The following ABI2 variants were observed in gnomAD, a reference collection of about 807,000 sequenced individuals.
The protein encoded by ABI2 is abl interactor 2, also known as abelson interactor 2.
In ABI2, 25 loss-of-function variants were observed where a neutral mutation model predicts 59.2. The observed-to-expected ratio is 0.42, with a 90% confidence interval of 0.31 to 0.59. The LOEUF (loss-of-function observed/expected upper bound fraction) is 0.59, where lower values mean the gene tolerates loss of function less well. ABI2 is among the 20% of genes least tolerant of loss of function. The probability of loss-of-function intolerance (pLI) is 0.14; values close to 1 mark genes in which losing one functional copy is unlikely to be tolerated. For synonymous variants in ABI2, 213 were observed against 235.5 expected, an observed-to-expected ratio of 0.90 and a Z score of 0.87; for missense variants, 545 against 681.8, an observed-to-expected ratio of 0.80 and a Z score of 2.23.
At chr2:203,328,682 C>T (rs954634719) in intron 1 of ABI2, 51 bp downstream of exon 1, 2 of 1,341,946 alleles carry the variant, frequency 1.5e-6, no homozygotes, top group South Asian at 1.6e-5. Context: ...CGCCGGGGGC[C>T]GCGCGCCTCG....
rs896122489 is a variant in ABI2, at chr2:203,411,181, A to G, written c.1193-104A>G. 2.8e-5 allele frequency: 25 copies of G among 885,952 alleles called. No homozygotes were observed. The African/African-American group carries it at 3.6e-4, about 13-fold the overall frequency. The allele number at this position is 885,952 out of a possible 1,614,324, so 54.9% of individuals were successfully genotyped here. On this transcript the variant is annotated intron_variant, in intron 9 of 11. Coordinates refer to ENST00000261018, the MANE Select transcript of ABI2 (RefSeq NM_001375670.1). The stretch of plus-strand genomic sequence containing the variant: ...GAGATCACTGATAAAATGTTTGTGA[A>G]TAGTAGTTTCCCTCCTTTATGTGTT...
chr2:203,418,439 G>T (rs2098013445), intron 11 of ABI2, among the ~76,000 whole-genome samples: 1 of 152,214 alleles, frequency 6.6e-6, no homozygotes, highest in African/African-American at 2.4e-5. Flanking sequence ...CTGCTTTCAG[G>T]CTCACTCGTG....
intron 5 of ABI2, among the ~76,000 whole-genome samples, chr2:203,392,967 CT>C (rs34801404): frequency 6.7e-6 from 1 of 149,602 alleles, no homozygotes. Flanking sequence ...TCCTTTGCTC[CT>C]TTTTTTTTTA....
intron 2 of ABI2, among the ~76,000 whole-genome samples, chr2:203,372,548 G>A (rs1251640184): frequency 3.3e-5 from 5 of 150,700 alleles, no homozygotes; most frequent in Admixed American, 6.6e-5. Flanking sequence ...GCGGCTGGCC[G>A]GGCGGGGGGC....
At chr2:203,418,611 A>C (rs1559382003) in intron 11 of ABI2, among the ~76,000 whole-genome samples, 1 of 152,258 alleles carries the variant, frequency 6.6e-6, no homozygotes, top group Non-Finnish European at 1.5e-5. Flanking sequence ...ACAAGCAAGA[A>C]GCGCCAAAAA....
At chr2:203,373,241 A>G (rs1360820017) in intron 2 of ABI2, among the ~76,000 whole-genome samples, 1 of 152,132 alleles carries the variant, frequency 6.6e-6, no homozygotes, top group Non-Finnish European at 1.5e-5. Flanking sequence ...CTGGCGGATC[A>G]CTCGCGGTTA....
intron 2 of ABI2, chr2:203,376,181 A>G (rs990185310): frequency 8.4e-6 from 12 of 1,430,310 alleles, no homozygotes; most frequent in Middle Eastern, 1.8e-4. Context: ...TTGGTTCTCA[A>G]CCAGGGAAGT....
intron 2 of ABI2, among the ~76,000 whole-genome samples, chr2:203,379,764 C>T (rs1296390534): frequency 2.0e-5 from 3 of 152,152 alleles, no homozygotes; most frequent in African/African-American, 7.2e-5. Context: ...ATATATACTT[C>T]AGTTTTTGTG....
In ABI2 at chr2:203,427,606, G is replaced by A; in HGVS notation, c.*254G>A. The A allele has an allele frequency of 2.8e-6, 1 of 351,144 alleles. No homozygotes were observed. Among genetic ancestry groups the A allele is most frequent in the Non-Finnish European group, 5.2e-6 (1 of 191,028 alleles). 21.8% of individuals were successfully genotyped at this position (351,144 alleles called of 1,614,324 possible). On this transcript the variant is annotated 3_prime_UTR_variant, in exon 12 of 12. Transcript: ENST00000261018. ...AATGACCATTTTTATGTATGTCAAA[G>A]GTATAACAGCATAACTGTGTAGCCA...
intron 1 of ABI2, chr2:203,329,169 A>G (rs904567918): frequency 2.0e-5 from 3 of 152,326 alleles, no homozygotes; most frequent in African/African-American, 7.2e-5. Context: ...GTAGAAGAGC[A>G]GCAGTTTCTT....
intron 1 of ABI2, among the ~76,000 whole-genome samples, chr2:203,364,654 T>G (rs1286344002): frequency 2.0e-5 from 3 of 152,200 alleles, no homozygotes. Context: ...TTATGCTTTA[T>G]AATTATTCCT....
intron 11 of ABI2, among the ~76,000 whole-genome samples, chr2:203,425,894 C>T (rs988846690): frequency 1.4e-4 from 21 of 151,630 alleles, no homozygotes; most frequent in African/African-American, 4.8e-4. Context: ...TGGTGGTGGG[C>T]GCCTGTAATC....
intron 11 of ABI2, among the ~76,000 whole-genome samples, chr2:203,423,825 T>G (rs2254889): frequency 6.6e-6 from 1 of 152,258 alleles, no homozygotes; most frequent in African/African-American, 2.4e-5. Flanking sequence ...AAAAAGAGAA[T>G]CATTTAAGCT....
intron 1 of ABI2, among the ~76,000 whole-genome samples, chr2:203,331,213 A>G (rs1289858697): frequency 6.6e-6 from 1 of 152,154 alleles, no homozygotes; most frequent in East Asian, 1.9e-4. Flanking sequence ...AAGTTGATAA[A>G]TAGAACGTGG....
intron 4 of ABI2, among the ~76,000 whole-genome samples, chr2:203,388,913 CTCCTTTT>C (rs2096636827): frequency 6.6e-6 from 1 of 152,068 alleles, no homozygotes; most frequent in South Asian, 2.1e-4. Flanking sequence ...TAAATTCCTG[CTCCTTTT>C]CCTTCCTGTT....
intron 1 of ABI2, 53 bp downstream of exon 1, chr2:203,328,684 C>A: frequency 7.5e-7 from 1 of 1,331,400 alleles, no homozygotes; most frequent in Non-Finnish European, 1.0e-6. Flanking sequence ...CCGGGGGCCG[C>A]GCGCCTCGGG....
chr2:203,349,175 C>CA (rs1452759977), intron 1 of ABI2, among the ~76,000 whole-genome samples: 4 of 151,982 alleles, frequency 2.6e-5, no homozygotes, highest in South Asian at 2.1e-4. Flanking sequence ...CTCCTGAACT[C>CA]AAACAGTCTG....
intron 1 of ABI2, among the ~76,000 whole-genome samples, chr2:203,365,173 G>T (rs1251127091): frequency 6.6e-6 from 1 of 152,070 alleles, no homozygotes; most frequent in Non-Finnish European, 1.5e-5. Flanking sequence ...TATCATTTTG[G>T]AGCTTACTTT....
chr2:203,392,307 ACC>A (rs1559312796), intron 5 of ABI2, among the ~76,000 whole-genome samples: 31 of 82,392 alleles, frequency 3.8e-4, no homozygotes, highest in East Asian at 1.6e-3. Flanking sequence ...CACCACCACC[ACC>A]ACCACCAACA....
Sources: allele counts gnomAD v4.1 joint callset (sites outside exome capture counted in the v4.1 genomes callset), GRCh38; gene constraint gnomAD v4.1.1; transcripts MANE v1.5; gene names NCBI Gene and HGNC (gene_info 2026-07-23, HGNC 2026-07-21).